SECISBP2: variants seen among roughly 807,000 people sequenced by gnomAD.
SECISBP2 encodes the protein SECIS binding protein 2, also known as selenocysteine insertion sequence-binding protein 2.
SECISBP2 carries 96 observed loss-of-function variants against 98.2 expected under a neutral mutation model. That is an observed-to-expected ratio of 0.98 (90% CI 0.83 to 1.16). SECISBP2 has a LOEUF of 1.16. Ranked by LOEUF, SECISBP2 falls within the 50% of genes most tolerant of loss-of-function variation. SECISBP2 has a pLI of 0.00. For missense variants in SECISBP2, 1,046 were observed against 1,022.9 expected (o/e 1.02, Z -0.31); for synonymous variants, 407 against 370.2 (o/e 1.10, Z -1.14).
chr9:89,357,265 CT>C (rs1832232398), intron 14 of SECISBP2, 145 bp from the exon 15 acceptor site: 15 of 847,458 alleles, frequency 1.8e-5, no homozygotes, highest in Non-Finnish European at 2.6e-5. Flanking sequence ...CTGCAACTTG[CT>C]TTCTCCTTGT....
intron 14 of SECISBP2, among the ~76,000 whole-genome samples, chr9:89,353,687 TCA>T (rs1326285952): frequency 6.6e-6 from 1 of 152,222 alleles, no homozygotes; most frequent in Non-Finnish European, 1.5e-5. Flanking sequence ...CTGTTGTCTC[TCA>T]CATTCTTCCG....
intron 1 of SECISBP2, chr9:89,318,981 C>T (rs1041051177): frequency 9.3e-7 from 1 of 1,077,122 alleles, no homozygotes; most frequent in African/African-American, 1.7e-5. Context: ...GAACGTCATT[C>T]TCCGCTCTAC....
intron 1 of SECISBP2, chr9:89,319,079 AC>A (rs1393987463): frequency 2.0e-6 from 2 of 996,496 alleles, no homozygotes; most frequent in Non-Finnish European, 1.2e-6. Context: ...TAAATCTCTT[AC>A]TACGTCACTA....
intron 7 of SECISBP2, among the ~76,000 whole-genome samples, chr9:89,336,480 C>T (rs1828737481): frequency 6.6e-6 from 1 of 151,798 alleles, no homozygotes; most frequent in South Asian, 2.1e-4. Context: ...TAATGGTTTC[C>T]TGTCTTTTTG....
chr9:89,363,960 C>T (rs370325037), downstream of SECISBP2: 9 of 1,613,942 alleles, frequency 5.6e-6, no homozygotes, highest in African/African-American at 9.3e-5. Context: ...CCTGGGGACA[C>T]AGACCGTTTC....
chr9:89,329,126 G>T, intron 5 of SECISBP2: 1 of 500,514 alleles, frequency 2.0e-6, no homozygotes, highest in Non-Finnish European at 3.6e-6. Flanking sequence ...GTTTTGTTTT[G>T]TTTTTGAAAC....
At chr9:89,333,125 G>T in intron 6 of SECISBP2, 139 bp downstream of exon 6, 1 of 736,808 alleles carries the variant, frequency 1.4e-6, no homozygotes, top group Admixed American at 2.1e-5. Context: ...TAACATCAGT[G>T]TTAGTTTAGA....
At chr9:89,365,084 A>G in the SECISBP2 span, 1 of 152,298 alleles carries the variant, frequency 6.6e-6, no homozygotes, top group Admixed American at 6.5e-5. Context: ...TACTGAAGGA[A>G]AAACAAGCAC....
intron 11 of SECISBP2, among the ~76,000 whole-genome samples, chr9:89,347,559 A>G (rs548816901): frequency 6.9e-6 from 1 of 144,388 alleles, no homozygotes; most frequent in African/African-American, 2.6e-5. Context: ...TGCAACCTCA[A>G]CCTCCACCTC....
intron 2 of SECISBP2, 141 bp downstream of exon 2, chr9:89,319,938 C>T: frequency 1.1e-6 from 1 of 892,010 alleles, no homozygotes; most frequent in Non-Finnish European, 1.8e-6. Flanking sequence ...GAGTCTGAGC[C>T]AGTAGCACAA....
At chr9:89,354,278 G>A (rs993367919) in intron 14 of SECISBP2, among the ~76,000 whole-genome samples, 1 of 152,234 alleles carries the variant, frequency 6.6e-6, no homozygotes, top group Non-Finnish European at 1.5e-5. Flanking sequence ...GGACTCACAT[G>A]ACTCAGCTTA....
intron 7 of SECISBP2, among the ~76,000 whole-genome samples, chr9:89,334,937 G>C (rs956516701): frequency 2.0e-5 from 3 of 152,172 alleles, no homozygotes; most frequent in Non-Finnish European, 4.4e-5. Flanking sequence ...AAGACGGGCC[G>C]GGTGCGGTGG....
At chr9:89,321,254 T>G (rs1032647267) in intron 2 of SECISBP2, among the ~76,000 whole-genome samples, 1 of 152,162 alleles carries the variant, frequency 6.6e-6, no homozygotes, top group Non-Finnish European at 1.5e-5. Context: ...ATCTGCTAGG[T>G]GGTATTTAGT....
downstream of SECISBP2, among the ~76,000 whole-genome samples, chr9:89,363,273 C>CT (rs564784754): frequency 6.6e-6 from 1 of 152,152 alleles, no homozygotes; most frequent in Admixed American, 6.5e-5. Context: ...GATTTCCCCC[C>CT]CCAGTGTTGC....
chr9:89,363,677 T>C, downstream of SECISBP2: 2 of 1,593,838 alleles, frequency 1.3e-6, no homozygotes, highest in Non-Finnish European at 1.7e-6. Flanking sequence ...TTTTTTTCAC[T>C]GCCATTGTAA....
chr9:89,323,408 T>C (rs1453125947), intron 2 of SECISBP2: 1 of 152,324 alleles, frequency 6.6e-6, no homozygotes, highest in Non-Finnish European at 1.5e-5. Flanking sequence ...GAGACAGAGA[T>C]AGAGCCTTGG....
At chr9:89,362,832 A>G (rs1832908304), downstream of SECISBP2, among the ~76,000 whole-genome samples, 1 of 152,132 alleles carries the variant, frequency 6.6e-6, no homozygotes, top group African/African-American at 2.4e-5. Context: ...GGTAGCACAC[A>G]GTGATGAATC....
intron 9 of SECISBP2, among the ~76,000 whole-genome samples, chr9:89,340,921 G>C (rs1829559866): frequency 6.6e-6 from 1 of 152,118 alleles, no homozygotes; most frequent in Admixed American, 6.5e-5. Context: ...GTAGACTTTT[G>C]GTTGTATCAC....
At position 89,351,729 on chromosome 9, in the gene SECISBP2, G is replaced by C. The variant is rs141506546; in HGVS notation, c.2113+877G>C. On this transcript the variant is annotated intron_variant, in intron 14 of 16. Coordinates refer to ENST00000375807, the MANE Select transcript of SECISBP2 (RefSeq NM_024077.5). ...GTCCGAGGCCCCCAGCCAGCAGCTC[G>C]TCCCTGTCCTAACTTGGTACGGGTC... Among the ~76,000 whole-genome samples, 580 of 152,226 alleles carry C rather than the reference G, an allele frequency of 3.8e-3. 1 individual carries two copies. Among genetic ancestry groups the C allele is most frequent in the African/African-American group, 0.013 (531 of 41,526 alleles).
Sources: gnomAD v4.1 joint callset for allele counts (sites outside exome capture counted in the v4.1 genomes callset) on GRCh38, gnomAD v4.1.1 for gene constraint, MANE v1.5 for transcripts, NCBI Gene and HGNC (gene_info 2026-07-23, HGNC 2026-07-21) for gene names.